RFLNA: variants seen among roughly 807,000 people sequenced by gnomAD.
The protein encoded by RFLNA is refilin A, also known as refilin-A.
A neutral mutation model predicts 7.8 loss-of-function variants in RFLNA; 5 were observed. The observed-to-expected ratio is 0.64, with a 90% confidence interval of 0.34 to 1.35. The LOEUF (loss-of-function observed/expected upper bound fraction) is 1.35. RFLNA is among the 40% of genes most tolerant of loss of function. RFLNA has a pLI of 0.04. For missense variants in RFLNA, 278 were observed against 305.5 expected, an observed-to-expected ratio of 0.91 and a Z score of 0.67; for synonymous variants, 141 against 131.3, an observed-to-expected ratio of 1.07 and a Z score of -0.50.
intron 2 of RFLNA, 21 bp from the exon 3 acceptor site, chr12:124,314,171 C>T: frequency 1.2e-6 from 2 of 1,600,344 alleles, no homozygotes; most frequent in Non-Finnish European, 1.7e-6. Context: ...GTTCACTCCG[C>T]TTCCCTCCTG....
chr12:124,311,529 G>C (rs979916303), intron 1 of RFLNA, among the ~76,000 whole-genome samples: 1 of 152,232 alleles, frequency 6.6e-6, no homozygotes, highest in African/African-American at 2.4e-5. Context: ...GTGTGGCCTT[G>C]AGGTTGCAGT....
intron 2 of RFLNA, among the ~76,000 whole-genome samples, chr12:124,313,979 AT>A (rs2034301307): frequency 6.6e-6 from 1 of 152,064 alleles, no homozygotes; most frequent in African/African-American, 2.4e-5. Flanking sequence ...AGGGTCCTTC[AT>A]TGCGTTTAGC....
chr12:124,302,805 TGAGGTCAGGGGCC>T (rs1301038635), intron 1 of RFLNA, among the ~76,000 whole-genome samples: 289 of 127,656 alleles, frequency 2.3e-3, no homozygotes, highest in African/African-American at 8.1e-3. Context: ...GGTCAGGGGC[TGAGGTCAGGGGCC>T]GAGGTCAGGG....
At position 124,295,221 on chromosome 12, in the gene RFLNA, T is replaced by A. The variant is rs7958743; in HGVS notation, c.-209T>A. The A allele has an allele frequency of 0.11, 17,078 of 149,330 alleles. 1,172 individuals carry two copies. The highest frequency in any genetic ancestry group is 0.31 in the East Asian group (1,549 of 5,066). The allele number at this position is 149,330 out of a possible 1,614,324, so 9.3% of individuals were successfully genotyped here. Reference sequence around the variant, plus strand: ...GGCGGAGGGCGGAGGGCGGCGGCGCTGGCAGGAGCGCGGCCCACGGCGGCG... The same window carrying A: ...GGCGGAGGGCGGAGGGCGGCGGCGCAGGCAGGAGCGCGGCCCACGGCGGCG... On this transcript the variant is annotated 5_prime_UTR_variant, in exon 1 of 3. Transcript: ENST00000546355.
intron 1 of RFLNA, among the ~76,000 whole-genome samples, chr12:124,310,368 G>A (rs912624095): frequency 4.5e-4 from 69 of 151,680 alleles, no homozygotes; most frequent in African/African-American, 1.6e-3. Flanking sequence ...GAACACTTCC[G>A]GAGGGAAGAG....
At chr12:124,300,833 T>C (rs2034022574) in intron 1 of RFLNA, among the ~76,000 whole-genome samples, 1 of 146,930 alleles carries the variant, frequency 6.8e-6, no homozygotes, top group Non-Finnish European at 1.5e-5. Flanking sequence ...AATGGGTGGA[T>C]GGATGGATGG....
At chr12:124,296,593 A>G (rs1423408143) in intron 1 of RFLNA, among the ~76,000 whole-genome samples, 1 of 151,774 alleles carries the variant, frequency 6.6e-6, no homozygotes, top group Non-Finnish European at 1.5e-5. Flanking sequence ...CTTGCCTGGC[A>G]CTCACAGGGC....
intron 1 of RFLNA, among the ~76,000 whole-genome samples, chr12:124,310,177 A>AAAAAAAAAAAAAAAAAAAAG (rs2034214892): frequency 7.1e-6 from 1 of 140,082 alleles, no homozygotes; most frequent in Non-Finnish European, 1.6e-5. Flanking sequence ...TGTCTCAAAA[A>AAAAAAAAAAAAAAAAAAAAG]AAAAAAAAAA....
chr12:124,310,167 T>C (rs1163603634), intron 1 of RFLNA, among the ~76,000 whole-genome samples: 10 of 5,532 alleles, frequency 1.8e-3, no homozygotes, highest in Admixed American at 4.2e-3. Context: ...AGAGAGACTC[T>C]GTCTCAAAAA....
chr12:124,297,141 C>T (rs750931186), intron 1 of RFLNA, among the ~76,000 whole-genome samples: 34 of 152,148 alleles, frequency 2.2e-4, no homozygotes, highest in Non-Finnish European at 4.9e-4. Flanking sequence ...TGGAGAAAAA[C>T]GACCTGGAAT....
At chr12:124,294,652 A>G (rs1042552837), upstream of RFLNA, among the ~76,000 whole-genome samples, 33 of 152,112 alleles carry the variant, frequency 2.2e-4, no homozygotes, top group African/African-American at 7.0e-4. Context: ...AGGCCCAAAG[A>G]GCTGGCCCTG....
At position 124,306,419 on chromosome 12, in the gene RFLNA, C is replaced by T. The variant is rs370264399; in HGVS notation, c.208-5399C>T. Reference sequence around the variant, plus strand: ...CAGCCTCGGGTCACAGACAAGGGGCCGAGACAGGAACAGGCAGAGGCCCGA... The same window carrying T: ...CAGCCTCGGGTCACAGACAAGGGGCTGAGACAGGAACAGGCAGAGGCCCGA... On this transcript the variant is annotated intron_variant, in intron 1 of 2. Coordinates refer to ENST00000546355, the MANE Select transcript of RFLNA (RefSeq NM_001365156.1). This position sits in a 1 kb window ranked among gnomAD's most constrained non-coding sequence, Gnocchi z 5.2. 2.0e-5 allele frequency among the ~76,000 whole-genome samples: 3 copies of T among 151,944 alleles called. No individual in the cohort carries two copies. Among genetic ancestry groups the T allele is most frequent in the Non-Finnish European group, 4.4e-5 (3 of 67,978 alleles).
intron 1 of RFLNA, among the ~76,000 whole-genome samples, chr12:124,310,354 C>T (rs536237514): frequency 1.3e-5 from 2 of 150,988 alleles, no homozygotes; most frequent in South Asian, 2.1e-4. Context: ...CTGAGTCTGG[C>T]GGGGAACACT....
chr12:124,291,942 G>A (rs893325442), upstream of RFLNA, among the ~76,000 whole-genome samples: 2 of 152,272 alleles, frequency 1.3e-5, no homozygotes, highest in South Asian at 4.1e-4. Flanking sequence ...TCCCAGGGGT[G>A]TATGGTGCAT....
At chr12:124,292,050 T>C (rs1335628361), upstream of RFLNA, among the ~76,000 whole-genome samples, 1 of 152,232 alleles carries the variant, frequency 6.6e-6, no homozygotes, top group Non-Finnish European at 1.5e-5. Context: ...CTATTAAATA[T>C]CTACTTTCTC....
intron 1 of RFLNA, among the ~76,000 whole-genome samples, chr12:124,298,500 C>A (rs578067873): frequency 6.6e-6 from 1 of 152,186 alleles, no homozygotes; most frequent in East Asian, 1.9e-4. Context: ...GGAACATTCC[C>A]GATCACTCCC....
chr12:124,298,557 T>TA (rs750091815), intron 1 of RFLNA, among the ~76,000 whole-genome samples: 31 of 152,178 alleles, frequency 2.0e-4, no homozygotes, highest in Non-Finnish European at 4.0e-4. Flanking sequence ...CCCCAGTACT[T>TA]ACTGAGCACC....
intron 1 of RFLNA, among the ~76,000 whole-genome samples, chr12:124,303,492 C>A (rs1321790776): frequency 6.6e-6 from 1 of 152,112 alleles, no homozygotes; most frequent in East Asian, 1.9e-4. Flanking sequence ...AGCAGGCTTG[C>A]CCCAGACCCT....
chr12:124,313,891 C>T lies in RFLNA; in HGVS notation c.318-301C>T, dbSNP rs61640933. ...CGGTGACGCCAGCACCTAACCCACA[C>T]GACACGGCTCAGTTTCACCCATCGT... On this transcript the variant is annotated intron_variant, in intron 2 of 2. Coordinates refer to ENST00000546355, the MANE Select transcript of RFLNA (RefSeq NM_001365156.1). Among the ~76,000 whole-genome samples the T allele has an allele frequency of 8.8e-3, 1,335 of 152,310 alleles. 13 individuals are homozygous for T. The highest frequency in any genetic ancestry group is 0.03 in the African/African-American group (1,266 of 41,554).
Sources: gnomAD v4.1 joint callset for allele counts (sites outside exome capture counted in the v4.1 genomes callset) on GRCh38, gnomAD v4.1.1 for gene constraint, Gnocchi (gnomAD v3.1) non-coding constraint, MANE v1.5 for transcripts, NCBI Gene and HGNC (gene_info 2026-07-23, HGNC 2026-07-21) for gene names.